The following MAP7 variants were observed in gnomAD, a reference collection of about 807,000 sequenced individuals.
The protein encoded by MAP7 is ensconsin.
In MAP7, 52 loss-of-function variants were observed where a neutral mutation model predicts 94.8. The observed-to-expected ratio is 0.55, with a 90% CI of 0.44 to 0.69. The LOEUF (loss-of-function observed/expected upper bound fraction) is 0.69. MAP7 is among the 30% of genes least tolerant of loss of function. MAP7 has a pLI of 0.00. For missense variants in MAP7, 940 were observed against 964.6 expected, an observed-to-expected ratio of 0.97 and a Z score of 0.34; for synonymous variants, 350 against 357.0, an observed-to-expected ratio of 0.98 and a Z score of 0.22.
chr6:136,452,879 T>C (rs1159325005), intron 1 of MAP7, among the ~76,000 whole-genome samples: 1 of 152,166 alleles, frequency 6.6e-6, no homozygotes, highest in East Asian at 1.9e-4. Context: ...ATATGTATGT[T>C]GTTTTTTCAG....
In MAP7 at chr6:136,360,088, G is replaced by A. The variant is rs1000438156; in HGVS notation, c.1804-57C>T. 7.3e-6 allele frequency: 10 copies of A among 1,367,906 alleles called. No individual in the cohort carries two copies. In the South Asian group the frequency reaches 1.2e-4, roughly 17 times the overall value. 84.7% of individuals were successfully genotyped at this position (1,367,906 alleles called of 1,614,324 possible). On this transcript the variant is annotated intron_variant, in intron 13 of 17. Coordinates refer to ENST00000354570, the MANE Select transcript of MAP7 (RefSeq NM_003980.6). ...TAGACACAGAAAAAAAGCCAGCCTG[G>A]CATATTTAACTGATGAAATAGATTA... is the stretch of plus-strand genomic sequence containing the variant.
At chr6:136,389,583 T>G in intron 3 of MAP7, 66 bp from the exon 4 acceptor site, 2 of 1,467,608 alleles carry the variant, frequency 1.4e-6, no homozygotes, top group Non-Finnish European at 1.9e-6. Context: ...CAAACTTGAA[T>G]AGTTAGGGCT....
intron 1 of MAP7, among the ~76,000 whole-genome samples, chr6:136,441,732 G>C (rs1349607030): frequency 2.0e-5 from 3 of 152,166 alleles, no homozygotes; most frequent in Non-Finnish European, 4.4e-5. Context: ...CCAAACTACA[G>C]GTCAGGCTGT....
chr6:136,389,295 A>T (rs1780019727), intron 4 of MAP7, 59 bp downstream of exon 4: 1 of 1,496,574 alleles, frequency 6.7e-7, no homozygotes, highest in South Asian at 1.4e-5. Flanking sequence ...TTTCACAGAA[A>T]GTTTGCTGCA....
chr6:136,495,453 T>TACACACACAC (rs55923280), intron 1 of MAP7, among the ~76,000 whole-genome samples: 6 of 143,028 alleles, frequency 4.2e-5, no homozygotes, highest in African/African-American at 1.3e-4. Context: ...AGTGTGAGAA[T>TACACACACAC]ACACACACAC....
intron 1 of MAP7, among the ~76,000 whole-genome samples, chr6:136,474,880 T>A (rs1044054846): frequency 6.6e-6 from 1 of 152,186 alleles, no homozygotes; most frequent in East Asian, 1.9e-4. Context: ...TATGCTTGGC[T>A]AATTTTTGTA....
chr6:136,543,031 G>T (rs1019204069), intron 1 of MAP7, among the ~76,000 whole-genome samples: 2 of 152,180 alleles, frequency 1.3e-5, no homozygotes, highest in African/African-American at 2.4e-5. Context: ...AAACCGTAGA[G>T]TTGCTCTGGA....
chr6:136,464,966 G>T (rs17723064), intron 1 of MAP7, among the ~76,000 whole-genome samples: 2,425 of 152,280 alleles, frequency 0.016, 87 homozygotes, highest in East Asian at 0.14. Flanking sequence ...AGCACTTTTT[G>T]TCTAGAGGAG....
At chr6:136,362,109 T>G (rs1051450116) in intron 11 of MAP7, among the ~76,000 whole-genome samples, 1 of 152,164 alleles carries the variant, frequency 6.6e-6, no homozygotes, top group Non-Finnish European at 1.5e-5. Context: ...CCATCAATGT[T>G]GTTGCACTGT....
intron 1 of MAP7, among the ~76,000 whole-genome samples, chr6:136,481,848 C>T (rs1812935665): frequency 1.3e-5 from 2 of 152,064 alleles, no homozygotes; most frequent in African/African-American, 2.4e-5. Context: ...GTATTATATG[C>T]CTGTATCAAA....
chr6:136,519,209 T>G (rs1331036963), intron 1 of MAP7, among the ~76,000 whole-genome samples: 1 of 152,204 alleles, frequency 6.6e-6, no homozygotes, highest in Non-Finnish European at 1.5e-5. Flanking sequence ...AATAAAATAT[T>G]ACATTTAAGA....
At chr6:136,512,849 T>G (rs113528351) in intron 1 of MAP7, among the ~76,000 whole-genome samples, 41 of 151,950 alleles carry the variant, frequency 2.7e-4, no homozygotes, top group African/African-American at 9.4e-4. Context: ...TTTTTTTTTT[T>G]TTGAAAGGGT....
chr6:136,495,066 T>C (rs890140956), intron 1 of MAP7, among the ~76,000 whole-genome samples: 1 of 152,192 alleles, frequency 6.6e-6, no homozygotes, highest in Non-Finnish European at 1.5e-5. Flanking sequence ...GAAGCTCTAC[T>C]TGGCCTCTGG....
At chr6:136,387,651 T>C (rs1162617173) in intron 5 of MAP7, among the ~76,000 whole-genome samples, 1 of 151,974 alleles carries the variant, frequency 6.6e-6, no homozygotes, top group Non-Finnish European at 1.5e-5. Context: ...AGTTATGAAG[T>C]GGTGGTCCAG....
intron 1 of MAP7, among the ~76,000 whole-genome samples, chr6:136,431,522 T>TTATC (rs1554254566): frequency 1.4e-5 from 2 of 145,424 alleles, no homozygotes; most frequent in Non-Finnish European, 3.0e-5. Flanking sequence ...ATTTATTTAT[T>TTATC]TATTTAATTT....
chr6:136,445,789 T>A (rs1486326492), intron 1 of MAP7, among the ~76,000 whole-genome samples: 1 of 152,232 alleles, frequency 6.6e-6, no homozygotes, highest in African/African-American at 2.4e-5. Context: ...CCAAAATCTA[T>A]CCCTGTATTA....
At chr6:136,361,247 G>T in intron 11 of MAP7, 68 bp from the exon 12 acceptor site, 2 of 1,545,540 alleles carry the variant, frequency 1.3e-6, no homozygotes, top group Non-Finnish European at 1.8e-6. Flanking sequence ...AGAGGCCTCC[G>T]TCGGTGGTTC....
chr6:136,420,751 T>C (rs1260584287), intron 2 of MAP7, among the ~76,000 whole-genome samples: 1 of 152,192 alleles, frequency 6.6e-6, no homozygotes, highest in African/African-American at 2.4e-5. Flanking sequence ...CAACAATACT[T>C]GTTATTGTCT....
intron 12 of MAP7, 84 bp from the exon 13 acceptor site, chr6:136,360,882 G>A (rs1178625359): frequency 1.9e-6 from 3 of 1,558,714 alleles, no homozygotes; most frequent in Non-Finnish European, 2.6e-6. Context: ...GTGGGGGCGA[G>A]GTGGCGGATG....
Sources: allele counts gnomAD v4.1 joint callset (sites outside exome capture counted in the v4.1 genomes callset), GRCh38; gene constraint gnomAD v4.1.1; transcripts MANE v1.5; gene names NCBI Gene and HGNC (gene_info 2026-07-23, HGNC 2026-07-21).